Variants in KLHL4 observed in about 807,000 individuals in gnomAD.
The protein encoded by KLHL4 is kelch like family member 4, also known as kelch-like protein 4.
In KLHL4, 17 loss-of-function variants were observed where a neutral mutation model predicts 45.8. The ratio of observed to expected loss-of-function variants is 0.37; its 90% CI spans 0.25 to 0.56. The LOEUF (loss-of-function observed/expected upper bound fraction) is 0.56, where lower values mean the gene tolerates loss of function less well. KLHL4 is among the 20% of genes least tolerant of loss of function. KLHL4 has a pLI of 0.79. For synonymous variants in KLHL4, 224 were observed against 189.9 expected, an observed-to-expected ratio of 1.18 and a Z score of -1.47; for missense variants, 544 against 544.9, an observed-to-expected ratio of 1.00 and a Z score of 0.02.
At chrX:87,556,619 A>G (rs947260145) in intron 1 of KLHL4, among the ~76,000 whole-genome samples, 1 of 110,456 alleles carries the variant, frequency 9.1e-6, no homozygotes, top group Non-Finnish European at 1.9e-5. Flanking sequence ...GCACATGTAT[A>G]CATATGTAAC....
In KLHL4 at chrX:87,667,755, A is replaced by C; in HGVS notation, c.*1221A>C. The C allele has an allele frequency of 2.9e-6, 2 of 698,590 alleles. No homozygotes were observed. Among genetic ancestry groups the C allele is most frequent in the South Asian group, 1.5e-4 (2 of 13,654 alleles). The allele number at this position is 698,590 out of a possible 1,213,427, so 57.6% of individuals were successfully genotyped here. On this transcript the variant is annotated 3_prime_UTR_variant, in exon 11 of 11. Transcript: ENST00000373119. The stretch of plus-strand genomic sequence containing the variant: ...TTTTCAAGTAAATGCACAACTTTAG[A>C]ATTTCTACAAATAAGTTCTTTTAAA...
At chrX:87,565,256 A>C (rs760604393) in intron 1 of KLHL4, among the ~76,000 whole-genome samples, 47 of 112,229 alleles carry the variant, frequency 4.2e-4, no homozygotes, top group South Asian at 2.9e-3. Flanking sequence ...AGGTAATGGA[A>C]AAATAAGAGC....
chrX:87,607,113 T>C (rs1366413892), intron 1 of KLHL4, among the ~76,000 whole-genome samples: 1 of 111,634 alleles, frequency 9.0e-6, no homozygotes, highest in African/African-American at 3.3e-5. Context: ...TCTTGAGAAG[T>C]TTAGTTTCTG....
intron 10 of KLHL4, 109 bp from the exon 11 acceptor site, chrX:87,666,366 T>A (rs181949779): frequency 7.7e-5 from 55 of 713,421 alleles, no homozygotes; most frequent in Middle Eastern, 5.3e-4. Context: ...GACAAGGTGA[T>A]GTTAGACCAA....
chrX:87,664,519 A>G (rs1447168053), intron 9 of KLHL4, among the ~76,000 whole-genome samples: 1 of 111,979 alleles, frequency 8.9e-6, no homozygotes, highest in Admixed American at 9.5e-5. Flanking sequence ...TTATCTGAGC[A>G]CTGATTAATG....
Position 87,664,823 on chromosome X carries a change from C to G in KLHL4, c.1985C>G (p.Ala662Gly), listed in dbSNP as rs1309368344. The G allele has an allele frequency of 8.3e-7, 1 of 1,201,665 alleles. No individual in the cohort carries two copies. The highest frequency in any genetic ancestry group is 1.1e-6 in the Non-Finnish European group (1 of 888,383). The change falls in exon 10 of 11, where the codon GCT becomes GGT. Residue 662 changes from alanine to glycine, a missense_variant. Physicochemically the swap from Ala to Gly is moderately conservative, Grantham distance 60 (BLOSUM62 0). Coordinates refer to ENST00000373119, the MANE Select transcript of KLHL4 (RefSeq NM_019117.5). ...GCACCTCTGAGTGTTCCTCGAGATG[C>G]TGTTGCTGTGTGCCCTCTTGGAGAC... Reference protein sequence around the residue: ...TVAPLSVPRDAVAVCPLGDKL... With the variant: ...TVAPLSVPRDGVAVCPLGDKL...
At chrX:87,533,562 G>A in intron 1 of KLHL4, among the ~76,000 whole-genome samples, 1 of 102,604 alleles carries the variant, frequency 9.7e-6, no homozygotes, top group East Asian at 3.1e-4. Context: ...TGTGGGGTGG[G>A]GTGAGGGGGG....
chrX:87,612,418 G>T (rs1922413343), intron 1 of KLHL4, among the ~76,000 whole-genome samples: 1 of 111,741 alleles, frequency 8.9e-6, no homozygotes, highest in South Asian at 3.7e-4. Flanking sequence ...TGCTGTACAG[G>T]TTTGTAAACT....
chrX:87,639,473 C>A (rs746972037), intron 9 of KLHL4, among the ~76,000 whole-genome samples: 4 of 111,322 alleles, frequency 3.6e-5, no homozygotes, highest in Non-Finnish European at 7.5e-5. Context: ...CAAAACAAGT[C>A]TCAGTAAATT....
At chrX:87,585,373 C>T (rs1921432972) in intron 1 of KLHL4, among the ~76,000 whole-genome samples, 1 of 111,575 alleles carries the variant, frequency 9.0e-6, no homozygotes, top group South Asian at 3.7e-4. Context: ...GTGTAAACTA[C>T]TCTTAATTAG....
At chrX:87,548,728 TAAC>T (rs1314471213) in intron 1 of KLHL4, among the ~76,000 whole-genome samples, 1 of 108,434 alleles carries the variant, frequency 9.2e-6, no homozygotes, top group Non-Finnish European at 1.9e-5. Flanking sequence ...AAGGTAATAT[TAAC>T]AAGTCTCATG....
chrX:87,538,399 C>G (rs2147771299), intron 1 of KLHL4, among the ~76,000 whole-genome samples: 1 of 111,874 alleles, frequency 8.9e-6, no homozygotes, highest in South Asian at 3.7e-4. Context: ...TGTTTGAAAG[C>G]TATTATAATT....
At chrX:87,633,637 T>A in intron 7 of KLHL4, 112 bp from the exon 8 acceptor site, 1 of 538,789 alleles carries the variant, frequency 1.9e-6, no homozygotes, top group South Asian at 4.0e-5. Context: ...GTATGCAAAA[T>A]CGTTTAATAA....
At chrX:87,625,884 A>G (rs1922910360) in intron 6 of KLHL4, 88 bp downstream of exon 6, 1 of 726,512 alleles carries the variant, frequency 1.4e-6, no homozygotes, top group Middle Eastern at 3.4e-4. Flanking sequence ...GCCATGTTAA[A>G]TGAGTGCACC....
intron 1 of KLHL4, among the ~76,000 whole-genome samples, chrX:87,582,432 TAAGAGCAGA>T (rs1921314738): frequency 9.0e-6 from 1 of 111,472 alleles, no homozygotes; most frequent in Non-Finnish European, 1.9e-5. Flanking sequence ...TGCTGTCCTG[TAAGAGCAGA>T]AAGAAAAACC....
intron 1 of KLHL4, among the ~76,000 whole-genome samples, chrX:87,591,554 C>T (rs1242784973): frequency 2.7e-5 from 3 of 111,295 alleles, no homozygotes; most frequent in African/African-American, 9.8e-5. Context: ...ATATCAATCC[C>T]TTGTCAGACA....
At chrX:87,590,393 C>T (rs1463839289) in intron 1 of KLHL4, among the ~76,000 whole-genome samples, 2 of 111,455 alleles carry the variant, frequency 1.8e-5, no homozygotes, top group African/African-American at 3.3e-5. Flanking sequence ...GATTGGAAGA[C>T]TTAATATTTT....
chrX:87,518,473 A>C (rs1930935640), intron 1 of KLHL4, among the ~76,000 whole-genome samples, 158 bp downstream of exon 1: 1 of 111,996 alleles, frequency 8.9e-6, no homozygotes, highest in Non-Finnish European at 1.9e-5. Context: ...AAGTTTATAA[A>C]AGAAAACAGC....
chrX:87,558,923 G>A (rs1932037577), intron 1 of KLHL4, among the ~76,000 whole-genome samples: 1 of 112,027 alleles, frequency 8.9e-6, no homozygotes, highest in Non-Finnish European at 1.9e-5. Flanking sequence ...TTAAAATAGG[G>A]TAATAAAAAC....
Sources: allele counts gnomAD v4.1 joint callset (sites outside exome capture counted in the v4.1 genomes callset), GRCh38; gene constraint gnomAD v4.1.1; transcripts MANE v1.5; gene names NCBI Gene and HGNC (gene_info 2026-07-23, HGNC 2026-07-21).